The following PTPRT variants were observed in gnomAD, a reference collection of about 807,000 sequenced individuals.
The protein encoded by PTPRT is protein tyrosine phosphatase receptor type T.
In PTPRT, 56 loss-of-function variants were observed where a neutral mutation model predicts 176.8. The observed-to-expected ratio is 0.32, with a 90% confidence interval of 0.26 to 0.40. The LOEUF (loss-of-function observed/expected upper bound fraction) is 0.40, where lower values mean the gene tolerates loss of function less well. Ranked by LOEUF, PTPRT falls within the 10% of genes least tolerant of loss-of-function variation. PTPRT has a pLI of 1.00. For missense variants in PTPRT, 1,540 were observed against 1,908.2 expected, an observed-to-expected ratio of 0.81 and a Z score of 3.60; for synonymous variants, 783 against 739.0, an observed-to-expected ratio of 1.06 and a Z score of -0.96.
At chr20:43,132,331 A>C (rs558073943) in intron 1 of PTPRT, among the ~76,000 whole-genome samples, 15 of 152,218 alleles carry the variant, frequency 9.9e-5, no homozygotes, top group African/African-American at 3.4e-4. Flanking sequence ...ATTGCTTTTT[A>C]AGCCAAGAAT....
chr20:42,402,364 T>C (rs1600962970), intron 9 of PTPRT, among the ~76,000 whole-genome samples: 1 of 151,304 alleles, frequency 6.6e-6, no homozygotes, highest in Admixed American at 6.6e-5. Flanking sequence ...TATTTTCAGA[T>C]AATTGGGCCC....
intron 1 of PTPRT, among the ~76,000 whole-genome samples, chr20:43,172,779 G>A (rs1203444333): frequency 6.6e-6 from 1 of 152,056 alleles, no homozygotes; most frequent in Non-Finnish European, 1.5e-5. Flanking sequence ...AGGCTCAAAG[G>A]GTTTAAGTAG....
At chr20:42,873,325 AT>A (rs1452601566) in intron 2 of PTPRT, among the ~76,000 whole-genome samples, 1 of 152,216 alleles carries the variant, frequency 6.6e-6, no homozygotes, top group Non-Finnish European at 1.5e-5. Context: ...GTGGGAACAC[AT>A]GTTACCTACA....
chr20:42,872,559 A>G (rs1029484926), intron 2 of PTPRT, among the ~76,000 whole-genome samples: 15 of 152,194 alleles, frequency 9.9e-5, no homozygotes, highest in Non-Finnish European at 2.2e-4. Context: ...AGACAGACGA[A>G]TGGAGGGGTT....
Position 42,694,259 on chromosome 20 carries a change from C to T in PTPRT, c.860-16100G>A, listed in dbSNP as rs184455805. Among the ~76,000 whole-genome samples the T allele has an allele frequency of 4.8e-3, 729 of 152,048 alleles. 4 individuals carry two copies. Among genetic ancestry groups the T allele is most frequent in the Non-Finnish European group, 7.2e-3 (490 of 67,988 alleles). ...TTCACTGTGTTAGCCAGGATGGTCT[C>T]GATCTCCTGACCTCGTGATCCACCT... On this transcript the variant is annotated intron_variant, in intron 6 of 30. Coordinates refer to ENST00000373187, the MANE Select transcript of PTPRT (RefSeq NM_007050.6).
At chr20:42,219,338 C>T (rs556926143) in intron 15 of PTPRT, among the ~76,000 whole-genome samples, 1 of 152,238 alleles carries the variant, frequency 6.6e-6, no homozygotes, top group East Asian at 1.9e-4. Flanking sequence ...ACTGGGGAGA[C>T]CTGGAAACTA....
At chr20:42,692,565 A>C (rs985805510) in intron 6 of PTPRT, among the ~76,000 whole-genome samples, 1 of 152,216 alleles carries the variant, frequency 6.6e-6, no homozygotes, top group Non-Finnish European at 1.5e-5. Context: ...AAGGGTATCT[A>C]ACACATTACT....
chr20:42,394,741 C>T (rs961158594), intron 9 of PTPRT, among the ~76,000 whole-genome samples: 8 of 152,054 alleles, frequency 5.3e-5, no homozygotes, highest in Non-Finnish European at 8.8e-5. Context: ...AAACTATGAG[C>T]AAAGAGTGAC....
intron 2 of PTPRT, among the ~76,000 whole-genome samples, chr20:42,852,126 A>T (rs1403074287): frequency 6.6e-6 from 1 of 152,188 alleles, no homozygotes; most frequent in African/African-American, 2.4e-5. Context: ...CTATTAAGGG[A>T]CAAAATGTCC....
At chr20:42,351,009 T>A (rs1168873188) in intron 10 of PTPRT, among the ~76,000 whole-genome samples, 1 of 152,176 alleles carries the variant, frequency 6.6e-6, no homozygotes, top group African/African-American at 2.4e-5. Context: ...TAAACAGATA[T>A]GTGCAGGGAA....
chr20:42,286,915 TA>T (rs1399990288), intron 12 of PTPRT, among the ~76,000 whole-genome samples: 3 of 151,520 alleles, frequency 2.0e-5, no homozygotes, highest in Non-Finnish European at 4.4e-5. Flanking sequence ...AAAATCCAAC[TA>T]AAAAAATGGG....
intron 1 of PTPRT, among the ~76,000 whole-genome samples, chr20:43,026,552 G>A (rs906055832): frequency 1.3e-5 from 2 of 152,174 alleles, no homozygotes; most frequent in African/African-American, 4.8e-5. Flanking sequence ...ATAATCTTAA[G>A]TGGGGTATCT....
chr20:42,706,631 T>C (rs915250799), intron 6 of PTPRT, among the ~76,000 whole-genome samples: 2 of 152,166 alleles, frequency 1.3e-5, no homozygotes, highest in Admixed American at 6.5e-5. Context: ...TTAGAAAGAA[T>C]TGTTATGTGC....
intron 9 of PTPRT, among the ~76,000 whole-genome samples, chr20:42,363,209 C>T (rs1442758799): frequency 1.4e-5 from 2 of 138,414 alleles, no homozygotes; most frequent in African/African-American, 5.3e-5. Context: ...CATGGACCCA[C>T]AAGTTAGAAG....
At chr20:42,512,729 G>A (rs1174721875) in intron 7 of PTPRT, among the ~76,000 whole-genome samples, 2 of 152,036 alleles carry the variant, frequency 1.3e-5, no homozygotes, top group Non-Finnish European at 2.9e-5. Context: ...ACACTGTTCT[G>A]CATTTTATAA....
chr20:42,270,277 G>T, intron 13 of PTPRT: 3 of 786,978 alleles, frequency 3.8e-6, no homozygotes, highest in South Asian at 1.7e-5. Context: ...AATGGGTGGG[G>T]GGGTGGGTGG....
chr20:42,981,928 G>A (rs1374053083), intron 1 of PTPRT, among the ~76,000 whole-genome samples: 1 of 152,120 alleles, frequency 6.6e-6, no homozygotes, highest in Non-Finnish European at 1.5e-5. Context: ...AAATGGCAAT[G>A]GTCTCTTTAT....
intron 13 of PTPRT, among the ~76,000 whole-genome samples, chr20:42,253,027 C>T (rs2056574189): frequency 6.6e-6 from 1 of 152,168 alleles, no homozygotes; most frequent in Non-Finnish European, 1.5e-5. Flanking sequence ...TGCCTCTGTT[C>T]ATAGTGGAAG....
At chr20:42,829,049 T>G (rs1195194525) in intron 2 of PTPRT, among the ~76,000 whole-genome samples, 1 of 152,024 alleles carries the variant, frequency 6.6e-6, no homozygotes, top group Non-Finnish European at 1.5e-5. Flanking sequence ...CACAAGCCCA[T>G]GAAAGCATCC....
Sources: gnomAD v4.1 joint callset for allele counts (sites outside exome capture counted in the v4.1 genomes callset) on GRCh38, gnomAD v4.1.1 for gene constraint, MANE v1.5 for transcripts, NCBI Gene and HGNC (gene_info 2026-07-23, HGNC 2026-07-21) for gene names.